DZANK1: variants seen among roughly 807,000 people sequenced by gnomAD.
DZANK1 encodes double zinc ribbon and ankyrin repeat-containing protein 1.
A neutral mutation model predicts 94.5 loss-of-function variants in DZANK1; 91 were observed. The observed-to-expected ratio is 0.96, with a 90% CI of 0.81 to 1.15. DZANK1 has a LOEUF of 1.15. Among genes scored for constraint, DZANK1 ranks in the 50% most tolerant of loss-of-function variants. The pLI is 0.00. For synonymous variants in DZANK1, 312 were observed against 325.3 expected, an observed-to-expected ratio of 0.96 and a Z score of 0.44; for missense variants, 903 against 916.4, an observed-to-expected ratio of 0.99 and a Z score of 0.19.
At chr20:18,406,314 G>C (rs1288428533) in intron 13 of DZANK1, among the ~76,000 whole-genome samples, 1 of 152,244 alleles carries the variant, frequency 6.6e-6, no homozygotes, top group African/African-American at 2.4e-5. Flanking sequence ...GGAGAGGAGA[G>C]CAAGGAGTAA....
rs1046211634 is a variant in DZANK1 at position 18,414,518 on chromosome 20, G to A, written c.1078-6C>T. On this transcript the variant is annotated splice_region_variant and splice_polypyrimidine_tract_variant and intron_variant, in intron 11 of 20. Coordinates refer to ENST00000262547, the Ensembl canonical transcript of DZANK1. ...CAGCCAGCAGGAATGCCGAGCTAGA[G>A]GATAGAAAATATCTTGATGAATATT... 3.1e-6 allele frequency: 5 copies of A among 1,593,432 alleles called. No individual in the cohort carries two copies. Among genetic ancestry groups the A allele is most frequent in the African/African-American group, 2.7e-5 (2 of 74,390 alleles).
At chr20:18,449,797 G>T (rs954959795) in intron 6 of DZANK1, among the ~76,000 whole-genome samples, 3 of 148,472 alleles carry the variant, frequency 2.0e-5, no homozygotes, top group South Asian at 4.3e-4. Context: ...AAATAAACTC[G>T]GCTGGGCACA....
Position 18,412,860 on chromosome 20 carries a change from G to T in DZANK1, c.1243-25C>A. ...ACTGCCAGGCACATCGGGGCCATGC[G>T]TGAGGCAGAAGACATTTTTAAAATT... On this transcript the variant is annotated intron_variant, in intron 12 of 20. Coordinates refer to ENST00000262547, the Ensembl canonical transcript of DZANK1. 1 of 1,610,456 alleles carries T rather than the reference G, an allele frequency of 6.2e-7. No individual in the cohort carries two copies. The highest frequency in any genetic ancestry group is 8.5e-7 in the Non-Finnish European group (1 of 1,177,402).
At chr20:18,414,561 A>C (rs1276546260) in intron 11 of DZANK1, 49 bp from the exon 12 acceptor site, 2 of 1,536,218 alleles carry the variant, frequency 1.3e-6, no homozygotes, top group African/African-American at 1.4e-5. Context: ...TAATTTCCTC[A>C]TGTAAATTAT....
At chr20:18,414,146 A>G (rs893397662) in intron 12 of DZANK1, among the ~76,000 whole-genome samples, 1 of 152,232 alleles carries the variant, frequency 6.6e-6, no homozygotes, top group Non-Finnish European at 1.5e-5. Context: ...TAAAGCCACT[A>G]AAGTGGCATT....
intron 15 of DZANK1, among the ~76,000 whole-genome samples, chr20:18,395,634 T>C (rs1421394761): frequency 1.3e-5 from 2 of 152,026 alleles, no homozygotes; most frequent in Admixed American, 1.3e-4. Flanking sequence ...GGGGACAACT[T>C]TGTGGTTTAA....
intron 8 of DZANK1, among the ~76,000 whole-genome samples, chr20:18,436,774 A>G (rs909434330): frequency 6.6e-6 from 1 of 152,314 alleles, no homozygotes; most frequent in African/African-American, 2.4e-5. Context: ...ACTTAAACAC[A>G]TTATAATCAG....
At position 18,394,499 on chromosome 20, in the gene DZANK1, ACTC is replaced by A. The variant is rs1323684020; in HGVS notation, c.1612-152_1612-150del. ...GCCTGAGACCTGGATGTCCTTCCTG[ACTC>A]CTCCTCACCTCCCCAGCATGCTTTG... On this transcript the variant is annotated intron_variant, in intron 15 of 20. Transcript: ENST00000262547. The A allele has an allele frequency of 7.7e-6, 6 of 775,932 alleles. No homozygotes were observed. In the East Asian group the frequency reaches 1.1e-4, roughly 14 times the overall value. The allele number at this position is 775,932 out of a possible 1,614,324, so 48.1% of individuals were successfully genotyped here. A position where few individuals can be genotyped will look rare whatever the true frequency, so the allele number is the denominator to read the frequency against.
At chr20:18,429,556 G>A (rs2058197431) in intron 9 of DZANK1, among the ~76,000 whole-genome samples, 3 of 152,128 alleles carry the variant, frequency 2.0e-5, no homozygotes, top group African/African-American at 7.2e-5. Context: ...ACACCCAAGT[G>A]GTACATTTGT....
chr20:18,384,458 C>A, exon 21 of DZANK1: 1 of 1,611,936 alleles, frequency 6.2e-7, no homozygotes, highest in South Asian at 1.1e-5. Context: ...AGCCCTTGGC[C>A]AAACTTGGCA....
intron 13 of DZANK1, among the ~76,000 whole-genome samples, chr20:18,408,115 A>G (rs1436626617): frequency 6.6e-6 from 1 of 152,228 alleles, no homozygotes; most frequent in Admixed American, 6.5e-5. Flanking sequence ...CAGGAGCTCG[A>G]GACCAGCCTG....
At chr20:18,449,342 G>A (rs1043614721) in intron 6 of DZANK1, among the ~76,000 whole-genome samples, 1 of 151,684 alleles carries the variant, frequency 6.6e-6, no homozygotes, top group African/African-American at 2.4e-5. Flanking sequence ...TAACAAATCT[G>A]CACCCCCTGA....
intron 9 of DZANK1, 118 bp downstream of exon 9, chr20:18,433,534 T>C: frequency 1.2e-6 from 1 of 827,844 alleles, no homozygotes; most frequent in South Asian, 1.6e-5. Context: ...AGAACAAGAT[T>C]CTGTCTCAAA....
chr20:18,394,594 C>T (rs1177379032), intron 15 of DZANK1: 1 of 668,648 alleles, frequency 1.5e-6, no homozygotes, highest in Admixed American at 1.8e-5. Context: ...AGCCCCAGCC[C>T]CCTCGTCTCA....
intron 6 of DZANK1, among the ~76,000 whole-genome samples, chr20:18,450,951 TATTTTC>T (rs1207207820): frequency 2.0e-5 from 3 of 152,358 alleles, no homozygotes; most frequent in African/African-American, 7.2e-5. Context: ...TTTTTATTTT[TATTTTC>T]ATTTTTGAGA....
chr20:18,460,368 C>T (rs942814765), intron 2 of DZANK1, 62 bp from the exon 3 acceptor site: 7 of 1,202,896 alleles, frequency 5.8e-6, no homozygotes, highest in Admixed American at 2.6e-5. Flanking sequence ...CTGAATAATG[C>T]CTATAGGTCA....
chr20:18,394,293 C>T lies in DZANK1; in HGVS notation c.1669G>A (p.Glu557Lys), dbSNP rs777440151. The change falls in exon 16 of 21, where the codon GAG becomes AAG. Residue 557 changes from glutamate to lysine, a missense_variant. By Grantham distance (56) the Glu-to-Lys change is moderately conservative. Coordinates refer to ENST00000262547, the Ensembl canonical transcript of DZANK1. Reference sequence around the variant, plus strand: ...CTGCCGCACAGCCCCCCATCACCCTCGGCAGCACTGCTCAGAAGGTGATCG... The same window carrying T: ...CTGCCGCACAGCCCCCCATCACCCTTGGCAGCACTGCTCAGAAGGTGATCG... The T allele has an allele frequency of 1.6e-5, 26 of 1,613,710 alleles. No individual in the cohort carries two copies. The Admixed American group carries it at 2.5e-4, about 16-fold the overall frequency.
intron 13 of DZANK1, among the ~76,000 whole-genome samples, chr20:18,411,138 G>A (rs888280102): frequency 6.6e-6 from 1 of 152,030 alleles, no homozygotes; most frequent in Non-Finnish European, 1.5e-5. Context: ...AAGAAAGAAG[G>A]AAATCATGAT....
intron 6 of DZANK1, 78 bp downstream of exon 6, chr20:18,452,537 C>A: frequency 6.9e-7 from 1 of 1,451,474 alleles, no homozygotes; most frequent in Admixed American, 2.5e-5. Context: ...GGGGGAGGTG[C>A]AGTCTTAAAG....
Sources: gnomAD v4.1 joint callset for allele counts (sites outside exome capture counted in the v4.1 genomes callset) on GRCh38, gnomAD v4.1.1 for gene constraint, MANE v1.5 for transcripts, NCBI Gene and HGNC (gene_info 2026-07-23, HGNC 2026-07-21) for gene names.